The following MMP15 variants were observed in gnomAD, a reference collection of about 807,000 sequenced individuals.
MMP15 encodes the protein matrix metalloproteinase-15.
A neutral mutation model predicts 65.0 loss-of-function variants in MMP15; 36 were observed. That is an observed-to-expected ratio of 0.55 (90% CI 0.42 to 0.73). The LOEUF is 0.73. Among genes scored for constraint, MMP15 ranks in the 30% least tolerant of loss-of-function variants. The pLI, the probability that MMP15 is intolerant of heterozygous loss-of-function variation, is 0.00. For missense variants in MMP15, 870 were observed against 987.8 expected, an observed-to-expected ratio of 0.88 and a Z score of 1.60; for synonymous variants, 428 against 410.2, an observed-to-expected ratio of 1.04 and a Z score of -0.52.
At position 58,046,155 on chromosome 16, in the gene MMP15, G is replaced by A. The variant is rs1249129529; in HGVS notation, c.*709G>A. The stretch of plus-strand genomic sequence containing the variant: ...TGGGCCTGCCTCACCACGGACCAAA[G>A]GGAGTCTGCCAGGGCCCCTCTCCCC... On this transcript the variant is annotated 3_prime_UTR_variant, in exon 10 of 10. Transcript: ENST00000219271. 2.0e-5 allele frequency: 3 copies of A among 152,760 alleles called. No individual in the cohort carries two copies. Among genetic ancestry groups the A allele is most frequent in the East Asian group, 3.8e-4 (2 of 5,208 alleles). 9.5% of individuals were successfully genotyped at this position (152,760 alleles called of 1,614,324 possible). A position where few individuals can be genotyped will look rare whatever the true frequency, so the allele number is the denominator to read the frequency against.
At chr16:58,041,498 T>G in intron 5 of MMP15, 119 bp from the exon 6 acceptor site, 3 of 1,077,122 alleles carry the variant, frequency 2.8e-6, no homozygotes, top group African/African-American at 1.6e-5. Flanking sequence ...TGGGGAGGGG[T>G]CTGCTGTAGA....
rs570762899 is a variant in MMP15, at chr16:58,045,688, C to T, written c.*242C>T. Reference sequence around the variant, plus strand: ...GAATTTTCTAAATGTAGTTCTGCTCCAGACAGGGAATTAGGCCCCCATCAT... The same window carrying T: ...GAATTTTCTAAATGTAGTTCTGCTCTAGACAGGGAATTAGGCCCCCATCAT... On this transcript the variant is annotated 3_prime_UTR_variant, in exon 10 of 10. Transcript: ENST00000219271. 2.5e-4 allele frequency: 130 copies of T among 522,588 alleles called. 1 individual carries two copies. The South Asian group carries it at 3.2e-3, about 13-fold the overall frequency. 32.4% of individuals were successfully genotyped at this position (522,588 alleles called of 1,614,324 possible). A position where few individuals can be genotyped will look rare whatever the true frequency, so the allele number is the denominator to read the frequency against.
intron 1 of MMP15, among the ~76,000 whole-genome samples, chr16:58,032,253 C>T (rs1303995980): frequency 2.0e-5 from 3 of 152,180 alleles, no homozygotes; most frequent in Non-Finnish European, 4.4e-5. Flanking sequence ...GATCTTGGCC[C>T]TATTTTGCAG....
Position 58,040,444 on chromosome 16 carries a change from G to A in MMP15, c.749-93G>A, listed in dbSNP as rs1567430991. 10 of 1,461,188 alleles carry A rather than the reference G, an allele frequency of 6.8e-6. No homozygotes were observed. The East Asian group carries it at 1.4e-4, about 21-fold the overall frequency. 90.5% of individuals were successfully genotyped at this position (1,461,188 alleles called of 1,614,324 possible). ...TCTTCCAAGAGGGAAGCAAGGGCAG[G>A]CTCTCTGGCAGCCTCAGCCTGGAGG... On this transcript the variant is annotated intron_variant, in intron 4 of 9. Transcript: ENST00000219271.
intron 7 of MMP15, among the ~76,000 whole-genome samples, 187 bp downstream of exon 7, chr16:58,042,556 G>T (rs1474746773): frequency 2.6e-5 from 4 of 152,220 alleles, no homozygotes; most frequent in Non-Finnish European, 5.9e-5. Context: ...GAGGCTGGAG[G>T]CAGGGTTGGA....
chr16:58,043,154 GCA>G (rs1468815595), intron 7 of MMP15, 54 bp from the exon 8 acceptor site: 1 of 1,464,706 alleles, frequency 6.8e-7, no homozygotes, highest in African/African-American at 1.4e-5. Flanking sequence ...TTCTTTTCCC[GCA>G]CACACCCCTC....
intron 1 of MMP15, among the ~76,000 whole-genome samples, chr16:58,028,487 G>T (rs1963855016): frequency 6.6e-6 from 1 of 152,212 alleles, no homozygotes; most frequent in African/African-American, 2.4e-5. Context: ...GTCCCATCAG[G>T]TCTGGCCACA....
rs773874989 is a variant in MMP15, at chr16:58,043,639, GC to G, written c.1570+16del. The G allele has an allele frequency of 4.3e-5, 69 of 1,589,646 alleles. No individual in the cohort carries two copies. Among genetic ancestry groups the G allele is most frequent in the Non-Finnish European group, 2.7e-5 (31 of 1,166,940 alleles). On this transcript the variant is annotated intron_variant, in intron 9 of 9. Coordinates refer to ENST00000219271, the MANE Select transcript of MMP15 (RefSeq NM_002428.4). The stretch of plus-strand genomic sequence containing the variant: ...GAGCAATGACGCAGGTACCTGGCCA[GC>G]CCCTCCCAGTTTGCCCAGCACCTAA...
At position 58,045,293 on chromosome 16, in the gene MMP15, G is replaced by T. The variant is rs1020034929; in HGVS notation, c.1857G>T (p.Glu619Asp). 1.5e-5 allele frequency: 24 copies of T among 1,610,834 alleles called. No individual in the cohort carries two copies. In the Admixed American group the frequency reaches 2.8e-4, roughly 19 times the overall value. The change falls in exon 10 of 10, where the codon GAG (glutamate) becomes GAT (aspartate). Residue 619 changes from glutamate to aspartate, a missense_variant. By Grantham distance (45) the Glu-to-Asp change is conservative. Coordinates refer to ENST00000219271, the MANE Select transcript of MMP15 (RefSeq NM_002428.4). The part of the protein sequence containing the change: ...GGSRVVVQME[E>D]VARTVNVVMV... ...GCCGCGTGGTGGTGCAGATGGAGGA[G>T]GTGGCACGGACGGTGAACGTGGTGA...
intron 2 of MMP15, 125 bp from the exon 3 acceptor site, chr16:58,038,141 C>T (rs912022120): frequency 4.7e-6 from 6 of 1,288,452 alleles, no homozygotes; most frequent in Admixed American, 2.0e-5. Context: ...CTGAGAGTCC[C>T]CCATCCCCAC....
At position 58,045,360 on chromosome 16, in the gene MMP15, C is replaced by T. The variant is rs1163741591; in HGVS notation, c.1924C>T (p.Leu642Phe). 4.4e-6 allele frequency: 7 copies of T among 1,599,342 alleles called. No homozygotes were observed. Among genetic ancestry groups the T allele is most frequent in the Non-Finnish European group, 6.0e-6 (7 of 1,175,058 alleles). ...GCTGCTGCTGCTCTGCGTCCTGGGC[C>T]TCACCTACGCGCTGGTGCAGATGCA... ...PLLLLLCVLGLTYALVQMQRK... is the reference protein window; with the variant it reads ...PLLLLLCVLGFTYALVQMQRK... Residue 642 changes from leucine (L) to phenylalanine (F), a missense_variant, in exon 10 of 10, where the codon CTC becomes TTC. Coordinates refer to ENST00000219271, the MANE Select transcript of MMP15 (RefSeq NM_002428.4).
chr16:58,040,502 A>G (rs1307088576), intron 4 of MMP15, 35 bp from the exon 5 acceptor site: 1 of 1,604,180 alleles, frequency 6.2e-7, no homozygotes, highest in Non-Finnish European at 8.5e-7. Flanking sequence ...GACTGGCCAC[A>G]GCTGACTGTG....
chr16:58,032,628 C>T (rs950767493), intron 1 of MMP15, among the ~76,000 whole-genome samples: 1 of 152,248 alleles, frequency 6.6e-6, no homozygotes, highest in Admixed American at 6.5e-5. Context: ...CTTCTGCAAG[C>T]TCCCTGGCTC....
intron 1 of MMP15, among the ~76,000 whole-genome samples, chr16:58,032,423 TG>T (rs1959252492): frequency 6.6e-6 from 1 of 151,870 alleles, no homozygotes; most frequent in Admixed American, 6.6e-5. Flanking sequence ...AGAGAGAGAA[TG>T]GGGGGCCTTG....
In MMP15 at chr16:58,041,757, G is replaced by A. The variant is rs1333950637; in HGVS notation, c.1051G>A (p.Gly351Ser). Residue 351 changes from glycine (G) to serine (S), a missense_variant, in exon 6 of 10, where the codon GGC becomes AGC. Physicochemically the swap from Gly to Ser is moderately conservative, Grantham distance 56 (BLOSUM62 0). Coordinates refer to ENST00000219271, the MANE Select transcript of MMP15 (RefSeq NM_002428.4). Reference sequence around the variant, plus strand: ...GAAGCCAGAGCGGCCCCCAAAGCCGGGCCCCCCAGTCCAGCCCCGAGCCAC... The same window carrying A: ...GAAGCCAGAGCGGCCCCCAAAGCCGAGCCCCCCAGTCCAGCCCCGAGCCAC... ...GGKPERPPKP[G>S]PPVQPRATER... is the part of the protein sequence containing the mutation. 6.2e-6 allele frequency: 10 copies of A among 1,603,906 alleles called. No homozygotes were observed. Among genetic ancestry groups the A allele is most frequent in the South Asian group, 1.1e-5 (1 of 89,636 alleles).
intron 2 of MMP15, 21 bp from the exon 3 acceptor site, chr16:58,038,245 C>G (rs1257071995): frequency 1.9e-6 from 3 of 1,612,452 alleles, no homozygotes; most frequent in Non-Finnish European, 2.5e-6. Flanking sequence ...CCGTGCTCAC[C>G]CCTCTGTGTC....
In MMP15 at chr16:58,043,405, GC is replaced by G. The variant is rs1479774430; in HGVS notation, c.1454+51del. 5 of 1,593,158 alleles carry G rather than the reference GC, an allele frequency of 3.1e-6. No homozygotes were observed. The East Asian group carries it at 9.1e-5, about 29-fold the overall frequency. On this transcript the variant is annotated intron_variant, in intron 8 of 9. Coordinates refer to ENST00000219271, the MANE Select transcript of MMP15 (RefSeq NM_002428.4). ...CCTAAGGGGAGAAGGCCCCATCTAG[GC>G]CCCCCTCAACCTCAGGCCTACCCAG...
intron 3 of MMP15, among the ~76,000 whole-genome samples, chr16:58,039,034 A>G (rs1959394090): frequency 1.3e-5 from 2 of 152,226 alleles, no homozygotes; most frequent in African/African-American, 4.8e-5. Context: ...AGGCCTCACC[A>G]TACGTCATCA....
At chr16:58,036,821 G>A (rs1959338675) in intron 1 of MMP15, among the ~76,000 whole-genome samples, 1 of 152,242 alleles carries the variant, frequency 6.6e-6, no homozygotes, top group African/African-American at 2.4e-5. Flanking sequence ...CCTGGTAGGG[G>A]CCCACCCCAG....
Sources: gnomAD v4.1 joint callset for allele counts (sites outside exome capture counted in the v4.1 genomes callset) on GRCh38, gnomAD v4.1.1 for gene constraint, MANE v1.5 for transcripts, NCBI Gene and HGNC (gene_info 2026-07-23, HGNC 2026-07-21) for gene names.